VAV3: variants seen among roughly 807,000 people sequenced by gnomAD.
VAV3 encodes the protein guanine nucleotide exchange factor VAV3.
VAV3 carries 94 observed loss-of-function variants against 131.2 expected under a neutral mutation model. The observed-to-expected ratio is 0.72, with a 90% CI of 0.61 to 0.85. VAV3 has a LOEUF of 0.85. Ranked by LOEUF, VAV3 falls within the 40% of genes least tolerant of loss-of-function variation. The probability of loss-of-function intolerance (pLI) is 0.00; values close to 1 mark genes in which losing one functional copy is unlikely to be tolerated. For synonymous variants in VAV3, 349 were observed against 342.0 expected, an observed-to-expected ratio of 1.02 and a Z score of -0.22; for missense variants, 939 against 1,002.7, an observed-to-expected ratio of 0.94 and a Z score of 0.86.
intron 2 of VAV3, among the ~76,000 whole-genome samples, chr1:107,781,901 A>C (rs900445089): frequency 6.6e-6 from 1 of 152,224 alleles, no homozygotes; most frequent in Non-Finnish European, 1.5e-5. Context: ...AATTTATCAA[A>C]AATAACTAAT....
At chr1:107,948,668 A>C (rs1173644216) in intron 1 of VAV3, among the ~76,000 whole-genome samples, 1 of 152,112 alleles carries the variant, frequency 6.6e-6, no homozygotes, top group East Asian at 1.9e-4. Flanking sequence ...ACATGGCGAA[A>C]TCCCATCTCT....
chr1:107,692,761 A>G lies in VAV3; in HGVS notation c.1706-4355T>C, dbSNP rs959829031. Among the ~76,000 whole-genome samples, 15 of 152,204 alleles carry G rather than the reference A, an allele frequency of 9.9e-5. 1 individual carries two copies. The highest frequency in any genetic ancestry group is 9.2e-4 in the Admixed American group (14 of 15,274). ...AGGAGCAGCAGCTGGCCTAGATAAA[A>G]GTGCAATTAAACAGATAAGCAAATG... On this transcript the variant is annotated intron_variant, in intron 17 of 26. Coordinates refer to ENST00000370056, the MANE Select transcript of VAV3 (RefSeq NM_006113.5).
In VAV3 at chr1:107,962,997, T is replaced by C. The variant is rs147075336; in HGVS notation, c.204+1669A>G. On this transcript the variant is annotated intron_variant, in intron 1 of 26. Coordinates refer to ENST00000370056, the MANE Select transcript of VAV3 (RefSeq NM_006113.5). The stretch of plus-strand genomic sequence containing the variant: ...TAATGATGCTTATAATGACAATCTT[T>C]GGTCATCAGAAAGATTAAATTACAT... Among the ~76,000 whole-genome samples the C allele has an allele frequency of 2.2e-3, 337 of 152,330 alleles. 1 individual carries two copies. The highest frequency in any genetic ancestry group is 7.2e-3 in the African/African-American group (301 of 41,576).
intron 1 of VAV3, among the ~76,000 whole-genome samples, chr1:107,904,909 T>C (rs1327445163): frequency 1.3e-5 from 2 of 152,208 alleles, no homozygotes; most frequent in African/African-American, 2.4e-5. Context: ...TTATTTTAAA[T>C]AGGGTACACT....
At chr1:107,937,356 C>A in intron 1 of VAV3, among the ~76,000 whole-genome samples, 1 of 152,206 alleles carries the variant, frequency 6.6e-6, no homozygotes, top group African/African-American at 2.4e-5. Flanking sequence ...CTAGTGACTG[C>A]AGCAGCTGTA....
At chr1:107,668,605 T>G in intron 19 of VAV3, 1 of 981,190 alleles carries the variant, frequency 1.0e-6, no homozygotes. Flanking sequence ...TACAATGAAA[T>G]GTGTAGAATA....
intron 20 of VAV3, among the ~76,000 whole-genome samples, chr1:107,623,954 C>G (rs547209704): frequency 3.2e-4 from 49 of 152,090 alleles, no homozygotes; most frequent in Non-Finnish European, 5.6e-4. Flanking sequence ...TCTAGGATCT[C>G]TGAAATTAAA....
At chr1:107,632,378 C>T (rs1654570590) in intron 20 of VAV3, among the ~76,000 whole-genome samples, 2 of 152,210 alleles carry the variant, frequency 1.3e-5, no homozygotes, top group South Asian at 4.1e-4. Context: ...CTGGTATAGC[C>T]CCACTCAGGT....
intron 2 of VAV3, among the ~76,000 whole-genome samples, chr1:107,807,089 AC>A (rs1467418164): frequency 1.3e-5 from 2 of 152,010 alleles, no homozygotes; most frequent in Non-Finnish European, 2.9e-5. Flanking sequence ...AGAACGCAAA[AC>A]CCACAGTTCA....
intron 19 of VAV3, among the ~76,000 whole-genome samples, chr1:107,677,014 G>C (rs1326965299): frequency 6.6e-6 from 1 of 151,990 alleles, no homozygotes; most frequent in Admixed American, 6.6e-5. Flanking sequence ...AGCCTCAAAG[G>C]AAAAACGATC....
rs541870467 is a variant in VAV3 at position 107,679,344 on chromosome 1, A to G, written c.1777+4144T>C. On this transcript the variant is annotated intron_variant, in intron 19 of 26. Coordinates refer to ENST00000370056, the MANE Select transcript of VAV3 (RefSeq NM_006113.5). ...AGAAAGGACTCTTATCAATTTAATC[A>G]TTACCTATTCATTTATTATTCAAGG... Among the ~76,000 whole-genome samples the G allele has an allele frequency of 9.2e-5, 14 of 152,318 alleles. 1 individual carries two copies. Among genetic ancestry groups the G allele is most frequent in the African/African-American group, 3.4e-4 (14 of 41,576 alleles).
intron 1 of VAV3, among the ~76,000 whole-genome samples, chr1:107,960,995 A>G (rs1048585040): frequency 6.6e-6 from 1 of 151,924 alleles, no homozygotes; most frequent in Non-Finnish European, 1.5e-5. Context: ...TTTATGGTTC[A>G]ACTCTACTAA....
intron 15 of VAV3, among the ~76,000 whole-genome samples, chr1:107,744,303 A>T (rs1188385075): frequency 6.6e-6 from 1 of 152,222 alleles, no homozygotes; most frequent in Non-Finnish European, 1.5e-5. Flanking sequence ...AGCCATGTAG[A>T]ACTGTGCCAG....
intron 15 of VAV3, among the ~76,000 whole-genome samples, chr1:107,736,465 C>T (rs552322996): frequency 7.0e-4 from 106 of 152,244 alleles, no homozygotes; most frequent in African/African-American, 2.3e-3. Flanking sequence ...AACCCCATCA[C>T]CTCAGCCCAA....
chr1:107,899,905 T>C (rs553780703), intron 1 of VAV3, among the ~76,000 whole-genome samples: 1 of 152,186 alleles, frequency 6.6e-6, no homozygotes, highest in Non-Finnish European at 1.5e-5. Context: ...CTTAGCTGGG[T>C]GGCTCTTTAG....
intron 1 of VAV3, among the ~76,000 whole-genome samples, chr1:107,906,802 GT>G (rs1489472970): frequency 1.3e-5 from 2 of 152,174 alleles, no homozygotes; most frequent in African/African-American, 4.8e-5. Flanking sequence ...GAAAAGCAGG[GT>G]GAGAAGGAAG....
chr1:107,951,487 T>G (rs896606180), intron 1 of VAV3, among the ~76,000 whole-genome samples: 2 of 152,104 alleles, frequency 1.3e-5, no homozygotes, highest in Non-Finnish European at 2.9e-5. Context: ...TCTAATTAAC[T>G]AAAGAGCTTC....
In VAV3 at chr1:107,675,655, C is replaced by G. The variant is rs866270388; in HGVS notation, c.1777+7833G>C. Among the ~76,000 whole-genome samples the G allele has an allele frequency of 4.6e-5, 7 of 152,260 alleles. No homozygotes were observed. The South Asian group carries it at 1.0e-3, about 23-fold the overall frequency. On this transcript the variant is annotated intron_variant, in intron 19 of 26. Coordinates refer to ENST00000370056, the MANE Select transcript of VAV3 (RefSeq NM_006113.5). ...TCATCTGGCTCTCCCACATTCTTACCCTGACCTTTCCTTTAAGGATGGCAC... is the reference window on the plus strand; with the variant it reads ...TCATCTGGCTCTCCCACATTCTTACGCTGACCTTTCCTTTAAGGATGGCAC...
chr1:107,943,369 G>C (rs1424649534), intron 1 of VAV3, among the ~76,000 whole-genome samples: 12 of 152,106 alleles, frequency 7.9e-5, no homozygotes, highest in Non-Finnish European at 1.8e-4. Context: ...AGTCCCTCCA[G>C]GGCCTTCATT....
Sources: allele counts gnomAD v4.1 joint callset (sites outside exome capture counted in the v4.1 genomes callset), GRCh38; gene constraint gnomAD v4.1.1; transcripts MANE v1.5; gene names NCBI Gene and HGNC (gene_info 2026-07-23, HGNC 2026-07-21).